The following OPCML variants were observed in gnomAD, a reference collection of about 807,000 sequenced individuals.
The protein encoded by OPCML is opioid binding protein/cell adhesion molecule like, also known as opioid-binding protein/cell adhesion molecule.
Under a neutral mutation model 37.8 loss-of-function variants are expected in OPCML, and 13 were observed. That is an observed-to-expected ratio of 0.34 (90% CI 0.22 to 0.55). The LOEUF is 0.55. OPCML is among the 20% of genes least tolerant of loss of function. The pLI, the probability that OPCML is intolerant of heterozygous loss-of-function variation, is 0.91. For missense variants in OPCML, 341 were observed against 435.6 expected (o/e 0.78, Z 1.93); for synonymous variants, 176 against 168.8 (o/e 1.04, Z -0.33).
intron 2 of OPCML, among the ~76,000 whole-genome samples, chr11:132,861,300 A>G (rs1327970326): frequency 6.6e-6 from 1 of 152,208 alleles, no homozygotes; most frequent in African/African-American, 2.4e-5. Context: ...GGGCTTCTTC[A>G]TTTATTAGCT....
At position 132,678,639 on chromosome 11, in the gene OPCML, A is replaced by G. The variant is rs73597401; in HGVS notation, c.147-21320T>C. ...AGTAAAATATGAATTTGAAAAGGCT[A>G]CATATTGTATGATTCCAGCTACATG... On this transcript the variant is annotated intron_variant, in intron 2 of 7. Transcript: ENST00000524381. Among the ~76,000 whole-genome samples the G allele has an allele frequency of 9.8e-3, 1,486 of 152,346 alleles. 23 individuals are homozygous for G. The highest frequency in any genetic ancestry group is 0.034 in the African/African-American group (1,424 of 41,560).
chr11:133,176,183 G>A lies in OPCML; in HGVS notation c.62-233173C>T, dbSNP rs116200082. ...CAGAAACAAACACAAACTCTTGGGTGGAATTTAAAGAGAGCAAGGTTTTAG... is the reference window on the plus strand; with the variant it reads ...CAGAAACAAACACAAACTCTTGGGTAGAATTTAAAGAGAGCAAGGTTTTAG... On this transcript the variant is annotated intron_variant, in intron 1 of 7. Transcript: ENST00000524381. Among the ~76,000 whole-genome samples, 891 of 152,218 alleles carry A rather than the reference G, an allele frequency of 5.9e-3. 5 individuals are homozygous for A. The highest frequency in any genetic ancestry group is 0.021 in the African/African-American group (857 of 41,532).
intron 1 of OPCML, among the ~76,000 whole-genome samples, chr11:133,415,270 C>A (rs1035807263): frequency 6.6e-6 from 1 of 151,752 alleles, no homozygotes; most frequent in African/African-American, 2.4e-5. Flanking sequence ...ATTAGCCCGG[C>A]GTGGTGGCGG....
chr11:132,554,991 T>A lies in OPCML; in HGVS notation c.380-25805A>T, dbSNP rs959887545. Among the ~76,000 whole-genome samples, 8 of 143,524 alleles carry A rather than the reference T, an allele frequency of 5.6e-5. No homozygotes were observed. The South Asian group carries it at 6.8e-4, about 12-fold the overall frequency. The allele number at this position is 143,524 out of a possible 152,430, so 94.2% of individuals were successfully genotyped here. A position where few individuals can be genotyped will look rare whatever the true frequency, so the allele number is the denominator to read the frequency against. On this transcript the variant is annotated intron_variant, in intron 3 of 7. Transcript: ENST00000524381. ...CTGATGAGAACACTATCCTAAAAAG[T>A]CCTTAGGATGCACACTTAGAGAGTC...
chr11:132,773,838 G>T (rs1946723523), intron 2 of OPCML, among the ~76,000 whole-genome samples: 2 of 151,992 alleles, frequency 1.3e-5, no homozygotes, highest in Non-Finnish European at 2.9e-5. Flanking sequence ...TCCCACAATG[G>T]GTTAAGTGAT....
At chr11:132,635,390 T>G in intron 3 of OPCML, among the ~76,000 whole-genome samples, 1 of 152,140 alleles carries the variant, frequency 6.6e-6, no homozygotes, top group East Asian at 1.9e-4. Context: ...TTTAGTCAAA[T>G]GTTGTTAAGG....
chr11:132,574,694 T>G (rs1006730228), intron 3 of OPCML, among the ~76,000 whole-genome samples: 3 of 152,028 alleles, frequency 2.0e-5, no homozygotes, highest in Non-Finnish European at 4.4e-5. Flanking sequence ...TGATCTATCT[T>G]GAAGAAATAT....
chr11:133,487,020 G>T (rs1453560768), intron 1 of OPCML, among the ~76,000 whole-genome samples: 1 of 151,812 alleles, frequency 6.6e-6, no homozygotes, highest in Admixed American at 6.6e-5. Context: ...CCATATTCCA[G>T]AGCCCCCATC....
intron 2 of OPCML, among the ~76,000 whole-genome samples, chr11:132,933,129 A>G (rs558447887): frequency 2.0e-5 from 3 of 152,312 alleles, no homozygotes; most frequent in South Asian, 4.1e-4. Flanking sequence ...TGTTGCTGAT[A>G]GGTATTCAGG....
intron 1 of OPCML, among the ~76,000 whole-genome samples, chr11:132,957,041 G>A (rs567897093): frequency 4.6e-5 from 7 of 152,320 alleles, no homozygotes; most frequent in African/African-American, 1.7e-4. Flanking sequence ...TGAGGTGGGA[G>A]GATCACTTGA....
chr11:132,465,052 CTA>C (rs1281868847), intron 4 of OPCML, among the ~76,000 whole-genome samples: 1 of 152,040 alleles, frequency 6.6e-6, no homozygotes, highest in Non-Finnish European at 1.5e-5. Context: ...TGAAATAGAC[CTA>C]TTCATGTCTA....
chr11:132,764,068 A>G (rs2136105221), intron 2 of OPCML, among the ~76,000 whole-genome samples: 1 of 152,362 alleles, frequency 6.6e-6, no homozygotes, highest in South Asian at 2.1e-4. Flanking sequence ...ATGTTCTTTA[A>G]GCTGCTGGGT....
chr11:132,490,774 G>A (rs1421451293), intron 4 of OPCML, among the ~76,000 whole-genome samples: 1 of 149,742 alleles, frequency 6.7e-6, no homozygotes, highest in Non-Finnish European at 1.5e-5. Context: ...TCGTGCCACT[G>A]CACTCCAGCC....
rs1463365767 is a variant in OPCML at position 133,104,139 on chromosome 11, G to A, written c.62-161129C>T. 2.0e-5 allele frequency among the ~76,000 whole-genome samples: 3 copies of A among 152,228 alleles called. No homozygotes were observed. In the East Asian group the frequency reaches 5.8e-4, roughly 29 times the overall value. On this transcript the variant is annotated intron_variant, in intron 1 of 7. Transcript: ENST00000524381. ...CATTAGACAGCTCCACATGTCCACA[G>A]GTGAGAGCGCATGGATGGATGCAAC...
At chr11:132,699,534 C>T (rs1397894151) in intron 2 of OPCML, among the ~76,000 whole-genome samples, 1 of 152,002 alleles carries the variant, frequency 6.6e-6, no homozygotes, top group Non-Finnish European at 1.5e-5. Context: ...CTATAAATAA[C>T]TTGCTCAGAG....
chr11:132,601,044 A>T (rs2137776853), intron 3 of OPCML, among the ~76,000 whole-genome samples: 1 of 152,276 alleles, frequency 6.6e-6, no homozygotes, highest in African/African-American at 2.4e-5. Flanking sequence ...TATAATGTAT[A>T]TACAAATTAA....
chr11:133,351,103 G>A (rs1157114176), intron 1 of OPCML, among the ~76,000 whole-genome samples: 2 of 152,172 alleles, frequency 1.3e-5, no homozygotes, highest in African/African-American at 4.8e-5. Flanking sequence ...GAGTTACAAA[G>A]CAGGACCACA....
intron 2 of OPCML, among the ~76,000 whole-genome samples, chr11:132,900,240 T>C (rs1944002960): frequency 6.6e-6 from 1 of 152,160 alleles, no homozygotes; most frequent in African/African-American, 2.4e-5. Context: ...TCTATTTCGA[T>C]GAATGTTCCA....
At chr11:133,189,211 A>G (rs1938208891) in intron 1 of OPCML, among the ~76,000 whole-genome samples, 2 of 152,206 alleles carry the variant, frequency 1.3e-5, no homozygotes, top group Admixed American at 6.5e-5. Context: ...TTGCTAAATA[A>G]ATAAATGAAA....
Sources: gnomAD v4.1 joint callset for allele counts (sites outside exome capture counted in the v4.1 genomes callset) on GRCh38, gnomAD v4.1.1 for gene constraint, MANE v1.5 for transcripts, NCBI Gene and HGNC (gene_info 2026-07-23, HGNC 2026-07-21) for gene names.